Variants in EDEM3 observed in about 807,000 individuals in gnomAD.
EDEM3 encodes ER degradation-enhancing alpha-mannosidase-like protein 3.
A neutral mutation model predicts 110.2 loss-of-function variants in EDEM3; 60 were observed. The observed-to-expected ratio is 0.54, with a 90% CI of 0.44 to 0.67. The LOEUF (loss-of-function observed/expected upper bound fraction) is 0.67. Among genes scored for constraint, EDEM3 ranks in the 30% least tolerant of loss-of-function variants. The probability of loss-of-function intolerance (pLI) is 0.00; values close to 1 mark genes in which losing one functional copy is unlikely to be tolerated. For missense variants in EDEM3, 996 were observed against 1,121.0 expected, an observed-to-expected ratio of 0.89 and a Z score of 1.59; for synonymous variants, 352 against 382.9, an observed-to-expected ratio of 0.92 and a Z score of 0.94.
At position 184,692,798 on chromosome 1, in the gene EDEM3, A is replaced by AGGGGG. The variant is rs33939977; in HGVS notation, c.*1260_*1264dup. Reference sequence around the variant, plus strand: ...CAACAACAACAAACCAAAAAAAAAAAGGGGGGGGGTGGAAGTCTCATTAAG... The same window carrying AGGGGG: ...CAACAACAACAAACCAAAAAAAAAAAGGGGGGGGGGGGGGTGGAAGTCTCATTAAG... On this transcript the variant is annotated 3_prime_UTR_variant, in exon 20 of 20. Transcript: ENST00000318130. 7 of 131,872 alleles carry AGGGGG rather than the reference A, an allele frequency of 5.3e-5. No individual in the cohort carries two copies. The East Asian group carries it at 7.2e-4, about 14-fold the overall frequency. The allele number at this position is 131,872 out of a possible 1,614,324, so 8.2% of individuals were successfully genotyped here.
chr1:184,694,023 C>G lies in EDEM3; in HGVS notation c.*40G>C. The G allele has an allele frequency of 6.3e-7, 1 of 1,576,098 alleles. No individual in the cohort carries two copies. Among genetic ancestry groups the G allele is most frequent in the Middle Eastern group, 1.7e-4 (1 of 5,836 alleles). Reference sequence around the variant, plus strand: ...TGTCTATTAACCACACACAGTTTACCTTTTCTTTTTAAATACCTACCAACA... The same window carrying G: ...TGTCTATTAACCACACACAGTTTACGTTTTCTTTTTAAATACCTACCAACA... On this transcript the variant is annotated 3_prime_UTR_variant, in exon 20 of 20. Coordinates refer to ENST00000318130, the MANE Select transcript of EDEM3 (RefSeq NM_025191.4).
chr1:184,742,703 C>A (rs1049761494), intron 2 of EDEM3, among the ~76,000 whole-genome samples: 5 of 152,154 alleles, frequency 3.3e-5, no homozygotes, highest in Non-Finnish European at 7.4e-5. Flanking sequence ...ATTACTTTTA[C>A]ACGTATCTTT....
chr1:184,726,366 T>C lies in EDEM3; in HGVS notation c.636A>G (p.Arg212=). 6.2e-7 allele frequency: 1 copy of C among 1,613,510 alleles called. No individual in the cohort carries two copies. Among genetic ancestry groups the C allele is most frequent in the South Asian group, 1.1e-5 (1 of 91,010 alleles). The change falls in exon 7 of 20, where the codon AGA becomes AGG. Residue 212 remains arginine, a synonymous_variant. Transcript: ENST00000318130. Reference sequence around the variant, plus strand: ...CAGTTCCTGTCCGAGCTTCTGGTTTTCTGATGCCAAACTTTAAATTAATCT... The same window carrying C: ...CAGTTCCTGTCCGAGCTTCTGGTTTCCTGATGCCAAACTTTAAATTAATCT... ...YPRINLKFGI[R]KPEARTGTET...
intron 6 of EDEM3, 153 bp downstream of exon 6, chr1:184,732,684 A>T: frequency 2.9e-6 from 2 of 695,162 alleles, no homozygotes; most frequent in Non-Finnish European, 4.5e-6. Flanking sequence ...ATAATCAGTT[A>T]ATTGAAATGA....
chr1:184,742,684 C>G (rs535709457), intron 2 of EDEM3, among the ~76,000 whole-genome samples: 1 of 152,246 alleles, frequency 6.6e-6, no homozygotes, highest in African/African-American at 2.4e-5. Context: ...CCACCATGCC[C>G]AGCCCCTAAT....
intron 16 of EDEM3, 32 bp downstream of exon 16, chr1:184,710,362 G>A (rs762512467): frequency 1.2e-6 from 2 of 1,604,660 alleles, no homozygotes; most frequent in East Asian, 2.2e-5. Flanking sequence ...GCAGGGCAGA[G>A]ACGGTATCTA....
chr1:184,715,448 G>A (rs1395209615), intron 13 of EDEM3, among the ~76,000 whole-genome samples: 1 of 152,168 alleles, frequency 6.6e-6, no homozygotes, highest in Non-Finnish European at 1.5e-5. Flanking sequence ...AGTCATGGGA[G>A]TGCAGGGACT....
chr1:184,708,443 A>T, intron 16 of EDEM3, 99 bp from the exon 17 acceptor site: 1 of 1,251,162 alleles, frequency 8.0e-7, no homozygotes, highest in Non-Finnish European at 1.1e-6. Context: ...CTACTCTACA[A>T]CTTCTTCTTT....
At chr1:184,748,694 G>A (rs1162856634) in intron 2 of EDEM3, among the ~76,000 whole-genome samples, 4 of 152,258 alleles carry the variant, frequency 2.6e-5, no homozygotes, top group Non-Finnish European at 4.4e-5. Flanking sequence ...GATGTTCATA[G>A]ATAACAATGA....
chr1:184,711,930 A>AT, intron 14 of EDEM3, 53 bp from the exon 15 acceptor site: 4 of 1,464,330 alleles, frequency 2.7e-6, no homozygotes, highest in African/African-American at 1.5e-5. Flanking sequence ...TACTTAACAT[A>AT]ATTTTTTTTT....
At position 184,754,742 on chromosome 1, in the gene EDEM3, C is replaced by T; in HGVS notation, c.-96G>A. ...CAGGGGGCTGCTAGCCGTGCCGAGA[C>T]GGGGCGGGATGCGGAGTAACACGGA... On this transcript the variant is annotated 5_prime_UTR_variant, in exon 1 of 20. Coordinates refer to ENST00000318130, the MANE Select transcript of EDEM3 (RefSeq NM_025191.4). 1 of 1,418,380 alleles carries T rather than the reference C, an allele frequency of 7.1e-7. No individual in the cohort carries two copies. The highest frequency in any genetic ancestry group is 9.1e-7 in the Non-Finnish European group (1 of 1,093,296). The allele number at this position is 1,418,380 out of a possible 1,614,324, so 87.9% of individuals were successfully genotyped here.
chr1:184,734,194 C>T (rs576706094), intron 5 of EDEM3, among the ~76,000 whole-genome samples: 5 of 146,042 alleles, frequency 3.4e-5, no homozygotes, highest in South Asian at 2.4e-4. Context: ...ATAGACTGGG[C>T]GTGGTGGCTC....
At position 184,699,837 on chromosome 1, in the gene EDEM3, A is replaced by C. The variant is rs12091260; in HGVS notation, c.2389+2974T>G. 4.2e-3 allele frequency among the ~76,000 whole-genome samples: 633 copies of C among 152,046 alleles called. 5 individuals are homozygous for C. Among genetic ancestry groups the C allele is most frequent in the East Asian group, 0.035 (183 of 5,184 alleles). Reference sequence around the variant, plus strand: ...ACTCTAAGCTGCAAGCATGACAATGAATTGGAACTTAAAAATGCTGATGTT... The same window carrying C: ...ACTCTAAGCTGCAAGCATGACAATGCATTGGAACTTAAAAATGCTGATGTT... On this transcript the variant is annotated intron_variant, in intron 19 of 19. Coordinates refer to ENST00000318130, the MANE Select transcript of EDEM3 (RefSeq NM_025191.4).
chr1:184,731,208 T>C (rs1651495445), intron 6 of EDEM3, among the ~76,000 whole-genome samples: 2 of 152,136 alleles, frequency 1.3e-5, no homozygotes, highest in Admixed American at 6.5e-5. Flanking sequence ...AGAGTAATAG[T>C]GTTAATAAAG....
At chr1:184,696,427 C>G (rs1256979452) in intron 19 of EDEM3, among the ~76,000 whole-genome samples, 1 of 151,784 alleles carries the variant, frequency 6.6e-6, no homozygotes. Flanking sequence ...CTGTTGTTAA[C>G]CTGTTTTTGT....
chr1:184,710,442 C>G lies in EDEM3; in HGVS notation c.1797G>C (p.Leu599Phe), dbSNP rs199800822. 2.5e-6 allele frequency: 4 copies of G among 1,613,956 alleles called. No individual in the cohort carries two copies. The South Asian group carries it at 4.4e-5, about 18-fold the overall frequency. ...LEILKKMGVSLIHLKDGRVQL... is the reference protein window; with the variant it reads ...LEILKKMGVSFIHLKDGRVQL... The stretch of plus-strand genomic sequence containing the variant: ...GGACTCTCCCATCTTTGAGGTGAAT[C>G]AAACTCACCCCCATCTTCTTCAGGA... Residue 599 changes from leucine to phenylalanine, a missense_variant, in exon 16 of 20, where the codon TTG (leucine) becomes TTC (phenylalanine). Coordinates refer to ENST00000318130, the MANE Select transcript of EDEM3 (RefSeq NM_025191.4).
intron 19 of EDEM3, among the ~76,000 whole-genome samples, chr1:184,699,768 C>T (rs1022214218): frequency 1.3e-5 from 2 of 151,684 alleles, no homozygotes; most frequent in East Asian, 3.9e-4. Flanking sequence ...AATACAGTTG[C>T]TTGAAAGCAT....
Position 184,721,368 on chromosome 1 carries a change from C to A in EDEM3, c.872G>T (p.Gly291Val). 5.0e-6 allele frequency: 8 copies of A among 1,601,476 alleles called. No homozygotes were observed. The highest frequency in any genetic ancestry group is 1.1e-5 in the South Asian group (1 of 87,824). The change falls in exon 9 of 20, where the codon GGG (glycine) becomes GTG (valine). Residue 291 changes from glycine (G) to valine (V), a missense_variant. Around this residue, in one of 5 missense-constraint regions of EDEM3, gnomAD observed 310 missense variants for 394.6 expected, o/e 0.79. Transcript: ENST00000318130. ...CAGATATTCATAATATGAATCAATC[C>A]CTGCTCCAACTCCACTATCTATGGA... The part of the protein sequence containing the change: ...WVRKDSGVGA[G>V]IDSYYEYLLK...
intron 18 of EDEM3, among the ~76,000 whole-genome samples, chr1:184,704,337 A>C (rs865776765): frequency 5.1e-4 from 78 of 152,260 alleles, no homozygotes; most frequent in African/African-American, 1.9e-3. Context: ...GAAAGAAGTC[A>C]ACACAAGAAA....
Sources: gnomAD v4.1 joint callset for allele counts (sites outside exome capture counted in the v4.1 genomes callset) on GRCh38, gnomAD v4.1.1 for gene constraint, gnomAD v4.1.1 regional missense constraint, MANE v1.5 for transcripts, NCBI Gene and HGNC (gene_info 2026-07-23, HGNC 2026-07-21) for gene names.